Variants in RABGAP1L observed in about 807,000 individuals in gnomAD.
RABGAP1L encodes the protein RAB GTPase activating protein 1 like, also known as rab GTPase-activating protein 1-like.
In RABGAP1L, 63 loss-of-function variants were observed where a neutral mutation model predicts 137.7. That is an observed-to-expected ratio of 0.46 (90% CI 0.37 to 0.56). RABGAP1L has a LOEUF of 0.56. Ranked by LOEUF, RABGAP1L falls within the 20% of genes least tolerant of loss-of-function variation. RABGAP1L has a pLI of 0.00. For synonymous variants in RABGAP1L, 431 were observed against 433.7 expected (o/e 0.99, Z 0.08); for missense variants, 1,095 against 1,244.0 (o/e 0.88, Z 1.80).
intron 14 of RABGAP1L, among the ~76,000 whole-genome samples, chr1:174,644,243 G>C (rs1417987609): frequency 6.6e-6 from 1 of 152,010 alleles, no homozygotes; most frequent in East Asian, 1.9e-4. Flanking sequence ...ATACTCTTCA[G>C]AGTGCCTAAA....
intron 13 of RABGAP1L, among the ~76,000 whole-genome samples, chr1:174,503,022 A>G (rs1354656569): frequency 6.6e-6 from 1 of 152,186 alleles, no homozygotes; most frequent in Non-Finnish European, 1.5e-5. Context: ...TTGTGCATAC[A>G]TACATATGTG....
chr1:174,516,770 G>T (rs1473297274), intron 13 of RABGAP1L, among the ~76,000 whole-genome samples: 1 of 151,896 alleles, frequency 6.6e-6, no homozygotes, highest in Non-Finnish European at 1.5e-5. Context: ...GCAGAGCTGA[G>T]AGTTGAACCC....
At chr1:174,238,279 A>G (rs1228552913) in intron 4 of RABGAP1L, among the ~76,000 whole-genome samples, 1 of 152,186 alleles carries the variant, frequency 6.6e-6, no homozygotes, top group Non-Finnish European at 1.5e-5. Context: ...CTCGTCAGTC[A>G]TTCTCCATCC....
intron 19 of RABGAP1L, among the ~76,000 whole-genome samples, chr1:174,859,164 T>A (rs1649809697): frequency 6.6e-6 from 1 of 152,162 alleles, no homozygotes; most frequent in Admixed American, 6.5e-5. Context: ...TCAACTTAAA[T>A]GCCCATCAGT....
At chr1:174,635,618 C>T (rs982467162) in intron 13 of RABGAP1L, among the ~76,000 whole-genome samples, 1 of 150,400 alleles carries the variant, frequency 6.6e-6, no homozygotes, top group Non-Finnish European at 1.5e-5. Context: ...TATCCTTTTA[C>T]TGAAGTTATG....
chr1:174,449,236 G>T (rs1254279173), intron 13 of RABGAP1L: 2 of 1,499,388 alleles, frequency 1.3e-6, no homozygotes, highest in Non-Finnish European at 1.8e-6. Context: ...TCTGACAGTG[G>T]TTTTGGATCA....
intron 11 of RABGAP1L, among the ~76,000 whole-genome samples, chr1:174,350,687 G>C (rs1683079617): frequency 2.4e-5 from 1 of 41,490 alleles, no homozygotes; most frequent in Non-Finnish European, 4.5e-5. Context: ...CCCAGACGGG[G>C]TGGCGGCCGG....
At chr1:174,834,755 TA>T (rs1306888946) in intron 19 of RABGAP1L, among the ~76,000 whole-genome samples, 2 of 152,130 alleles carry the variant, frequency 1.3e-5, no homozygotes, top group African/African-American at 4.8e-5. Context: ...AAGAAAAGCA[TA>T]AAACTCTCTA....
intron 7 of RABGAP1L, among the ~76,000 whole-genome samples, chr1:174,263,632 T>C (rs1368874436): frequency 1.3e-5 from 2 of 152,172 alleles, no homozygotes; most frequent in African/African-American, 4.8e-5. Context: ...ATTTCTACCG[T>C]ATGTTTATTT....
chr1:174,702,819 T>C (rs1293130107), intron 17 of RABGAP1L, among the ~76,000 whole-genome samples: 1 of 152,112 alleles, frequency 6.6e-6, no homozygotes, highest in Non-Finnish European at 1.5e-5. Context: ...ATTTGTGTAT[T>C]TTATTGTTTT....
chr1:174,248,485 C>A (rs1424667490), intron 5 of RABGAP1L, among the ~76,000 whole-genome samples: 2 of 152,072 alleles, frequency 1.3e-5, no homozygotes, highest in Non-Finnish European at 2.9e-5. Flanking sequence ...ATTTTGGGAA[C>A]ATTATGATAT....
At chr1:174,205,608 A>G (rs1668455714) in intron 1 of RABGAP1L, among the ~76,000 whole-genome samples, 1 of 151,252 alleles carries the variant, frequency 6.6e-6, no homozygotes, top group Non-Finnish European at 1.5e-5. Flanking sequence ...GTTATTTTTT[A>G]TTTCTGTGGG....
chr1:174,192,549 C>G (rs1018122103), intron 1 of RABGAP1L, among the ~76,000 whole-genome samples: 1 of 152,016 alleles, frequency 6.6e-6, no homozygotes. Context: ...CTCGAACTTC[C>G]AACCTCAGGT....
At chr1:174,625,461 C>T (rs1672878461) in intron 13 of RABGAP1L, among the ~76,000 whole-genome samples, 1 of 151,324 alleles carries the variant, frequency 6.6e-6, no homozygotes, top group South Asian at 2.1e-4. Flanking sequence ...TCAGAGTGGG[C>T]CTTACTCTGT....
At chr1:174,716,142 A>G (rs1680984115) in intron 17 of RABGAP1L, among the ~76,000 whole-genome samples, 1 of 152,126 alleles carries the variant, frequency 6.6e-6, no homozygotes, top group South Asian at 2.1e-4. Context: ...TATTGTTATT[A>G]TTTTTATTTT....
At chr1:174,720,249 G>GTAGA (rs370669512) in intron 17 of RABGAP1L, among the ~76,000 whole-genome samples, 10,314 of 143,610 alleles carry the variant, frequency 0.072, 483 homozygotes, top group East Asian at 0.094. Context: ...CTAGCTAGAT[G>GTAGA]TAGATAGATA....
At chr1:174,580,466 T>C (rs1450133720) in intron 13 of RABGAP1L, among the ~76,000 whole-genome samples, 1 of 152,190 alleles carries the variant, frequency 6.6e-6, no homozygotes, top group Non-Finnish European at 1.5e-5. Context: ...AAATGATAAG[T>C]TCATGTCCTT....
chr1:174,184,429 C>CAT (rs1666641042), intron 1 of RABGAP1L, among the ~76,000 whole-genome samples: 1 of 152,092 alleles, frequency 6.6e-6, no homozygotes, highest in African/African-American at 2.4e-5. Context: ...ATTGTGGGGT[C>CAT]ATATGGTAAG....
intron 19 of RABGAP1L, among the ~76,000 whole-genome samples, chr1:174,839,037 G>GTGTGTGTGGT (rs1693093991): frequency 7.0e-6 from 1 of 142,456 alleles, no homozygotes; most frequent in South Asian, 2.3e-4. Context: ...ACGTGTGTGT[G>GTGTGTGTGGT]TGTGTGTGTG....
Sources: allele counts gnomAD v4.1 joint callset (sites outside exome capture counted in the v4.1 genomes callset), GRCh38; gene constraint gnomAD v4.1.1; transcripts MANE v1.5; gene names NCBI Gene and HGNC (gene_info 2026-07-23, HGNC 2026-07-21).